The following USH2A variants were observed in gnomAD, a reference collection of about 807,000 sequenced individuals.
The protein encoded by USH2A is usherin.
Under a neutral mutation model 538.9 loss-of-function variants are expected in USH2A, and 443 were observed. The ratio of observed to expected loss-of-function variants is 0.82; its 90% CI spans 0.76 to 0.89. USH2A has a LOEUF of 0.89. Ranked by LOEUF, USH2A falls within the 40% of genes least tolerant of loss-of-function variation. The probability of loss-of-function intolerance (pLI) is 0.00; values close to 1 mark genes in which losing one functional copy is unlikely to be tolerated. For missense variants in USH2A, 6,633 were observed against 6,324.8 expected, an observed-to-expected ratio of 1.05 and a Z score of -1.65; for synonymous variants, 2,413 against 2,273.5, an observed-to-expected ratio of 1.06 and a Z score of -1.75.
At chr1:215,627,497 C>CTTCCTTCT (rs1402225863) in intron 71 of USH2A, among the ~76,000 whole-genome samples, 2 of 140,258 alleles carry the variant, frequency 1.4e-5, no homozygotes, top group Non-Finnish European at 3.1e-5. Context: ...TCCTTCCTTC[C>CTTCCTTCT]TTCCTTCTTT....
intron 30 of USH2A, among the ~76,000 whole-genome samples, chr1:216,067,830 C>G (rs528241731): frequency 1.1e-3 from 163 of 152,006 alleles, no homozygotes; most frequent in African/African-American, 3.7e-3. Flanking sequence ...ATTTGGATGT[C>G]TAGGTGGGAT....
At chr1:215,719,383 A>AAAAAAAAAAAAAAAAAAAAAAAT in intron 61 of USH2A, among the ~76,000 whole-genome samples, 1 of 148,134 alleles carries the variant, frequency 6.8e-6, no homozygotes, top group Non-Finnish European at 1.5e-5. Flanking sequence ...AAAAAAAAAA[A>AAAAAAAAAAAAAAAAAAAAAAAT]GCATGTTCTT....
Position 215,877,863 on chromosome 1 carries a change from C to T in USH2A, c.8576G>A (p.Arg2859His), listed in dbSNP as rs778272177. Residue 2859 changes from arginine (R) to histidine (H), a missense_variant, in exon 43 of 72, where the codon CGT becomes CAT. By Grantham distance (29) the Arg-to-His change is conservative. Coordinates refer to ENST00000307340, the MANE Select transcript of USH2A (RefSeq NM_206933.4). The stretch of plus-strand genomic sequence containing the variant: ...TGATGCAAGTGGCTGCTGGATTTTA[C>T]GTCTCAGAAGCTCATATCTAAAGCA... ...GPNLRYELLR[R>H]KIQQPLASNP... is the part of the protein sequence containing the mutation. 110 of 1,613,492 alleles carry T rather than the reference C, an allele frequency of 6.8e-5. No homozygotes were observed. Among genetic ancestry groups the T allele is most frequent in the Middle Eastern group, 3.3e-4 (2 of 6,084 alleles).
At chr1:215,824,963 A>G (rs1049433560) in intron 47 of USH2A, among the ~76,000 whole-genome samples, 1 of 151,996 alleles carries the variant, frequency 6.6e-6, no homozygotes, top group African/African-American at 2.4e-5. Context: ...GAGTTCTGGG[A>G]TATTGCTGTG....
intron 9 of USH2A, among the ~76,000 whole-genome samples, chr1:216,310,528 C>A (rs2037400411): frequency 6.6e-6 from 1 of 151,946 alleles, no homozygotes; most frequent in South Asian, 2.1e-4. Context: ...ATCTTCATTT[C>A]TTTGTGTTCT....
chr1:216,288,327 T>C (rs764930009), intron 11 of USH2A, among the ~76,000 whole-genome samples: 3 of 152,162 alleles, frequency 2.0e-5, no homozygotes, highest in Non-Finnish European at 4.4e-5. Context: ...CTCTTCAGCT[T>C]TCTAATGAAG....
intron 21 of USH2A, among the ~76,000 whole-genome samples, chr1:216,127,281 G>GA (rs2033274640): frequency 2.0e-5 from 3 of 151,822 alleles, no homozygotes; most frequent in Non-Finnish European, 2.9e-5. Flanking sequence ...TTTCATAAAT[G>GA]TACTCATTGA....
chr1:216,104,281 TG>T (rs1414056491), intron 21 of USH2A, among the ~76,000 whole-genome samples: 1 of 151,880 alleles, frequency 6.6e-6, no homozygotes, highest in Admixed American at 6.6e-5. Context: ...GTGTTCTCAT[TG>T]TTCAATTCCC....
chr1:216,357,302 ATTCCAATCTCTTAGTCAAT>A (rs2038408560), intron 4 of USH2A, among the ~76,000 whole-genome samples: 1 of 152,150 alleles, frequency 6.6e-6, no homozygotes, highest in Non-Finnish European at 1.5e-5. Flanking sequence ...CTCTTCTTCC[ATTCCAATCTCTTAGTCAAT>A]TTCAATACTT....
rs530353376 is a variant in USH2A at position 215,834,235 on chromosome 1, A to G, written c.9371+3756T>C. On this transcript the variant is annotated intron_variant, in intron 47 of 71. Transcript: ENST00000307340. ...AATATATCTTCACACAAAAACCTGT[A>G]TATAGATGTTTTACAGCAACTTTAA... Among the ~76,000 whole-genome samples the G allele has an allele frequency of 7.9e-5, 12 of 152,260 alleles. No individual in the cohort carries two copies. In the East Asian group the frequency reaches 2.1e-3, roughly 27 times the overall value.
At chr1:216,031,212 C>T (rs1669114011) in intron 32 of USH2A, among the ~76,000 whole-genome samples, 1 of 151,830 alleles carries the variant, frequency 6.6e-6, no homozygotes, top group Admixed American at 6.6e-5. Context: ...AGACAAAGAC[C>T]CTAAAGCTTA....
At chr1:216,057,113 A>C (rs1415030868) in intron 30 of USH2A, among the ~76,000 whole-genome samples, 1 of 152,146 alleles carries the variant, frequency 6.6e-6, no homozygotes, top group African/African-American at 2.4e-5. Context: ...GTCAATTCTT[A>C]TTGCATAAAA....
In USH2A at chr1:216,418,554, C is replaced by T; in HGVS notation, c.611G>A (p.Gly204Glu). 2 of 1,613,218 alleles carry T rather than the reference C, an allele frequency of 1.2e-6. No homozygotes were observed. The highest frequency in any genetic ancestry group is 2.2e-5 in the South Asian group (2 of 91,066). ...LQPPIKVMTL[G>E]RILVKKWIHL... is the part of the protein sequence containing the mutation. Reference sequence around the variant, plus strand: ...AATCCATTTCTTCACAAGAATTCTCCCCAGTGTCATTACTTTTATTGGAGG... The same window carrying T: ...AATCCATTTCTTCACAAGAATTCTCTCCAGTGTCATTACTTTTATTGGAGG... The change falls in exon 3 of 72, where the codon GGG becomes GAG. Residue 204 changes from glycine to glutamate, a missense_variant. Gly to Glu is a moderately conservative substitution (Grantham distance 98). Transcript: ENST00000307340.
intron 3 of USH2A, among the ~76,000 whole-genome samples, 193 bp downstream of exon 3, chr1:216,418,321 G>A (rs187426469): frequency 1.3e-5 from 2 of 152,144 alleles, no homozygotes; most frequent in Non-Finnish European, 2.9e-5. Context: ...AATTTTGGGG[G>A]AGGAAATGCT....
chr1:215,663,478 T>C (rs543153114), intron 64 of USH2A, among the ~76,000 whole-genome samples: 3 of 152,354 alleles, frequency 2.0e-5, no homozygotes, highest in African/African-American at 7.2e-5. Flanking sequence ...ACAAGGATTG[T>C]CAATATCTCA....
At position 215,625,500 on chromosome 1, in the gene USH2A, A is replaced by C. The variant is rs1467481868; in HGVS notation, c.*281T>G. ...TCAGTTAACCAGGAGCATCACTGCC[A>C]AACAGAACCAAGTGACAATTACATA... On this transcript the variant is annotated 3_prime_UTR_variant, in exon 72 of 72. Transcript: ENST00000307340. 2 of 458,488 alleles carry C rather than the reference A, an allele frequency of 4.4e-6. No individual in the cohort carries two copies. The highest frequency in any genetic ancestry group is 8.0e-6 in the Non-Finnish European group (2 of 250,280). 28.4% of individuals were successfully genotyped at this position (458,488 alleles called of 1,614,324 possible).
chr1:216,380,201 G>T (rs2102732430), intron 3 of USH2A, among the ~76,000 whole-genome samples: 1 of 152,224 alleles, frequency 6.6e-6, no homozygotes, highest in African/African-American at 2.4e-5. Context: ...CAAGAGGGTA[G>T]ATATTGGGAA....
At chr1:216,003,714 A>G (rs998104399) in intron 32 of USH2A, among the ~76,000 whole-genome samples, 6 of 152,108 alleles carry the variant, frequency 3.9e-5, no homozygotes, top group African/African-American at 1.2e-4. Context: ...CAGTTCATGC[A>G]GGCCTTGTAG....
chr1:215,842,859 T>G (rs771252580), intron 46 of USH2A, among the ~76,000 whole-genome samples: 1 of 151,984 alleles, frequency 6.6e-6, no homozygotes, highest in Non-Finnish European at 1.5e-5. Context: ...TAATAATACA[T>G]GTACAGGTAA....
Sources: gnomAD v4.1 joint callset for allele counts (sites outside exome capture counted in the v4.1 genomes callset) on GRCh38, gnomAD v4.1.1 for gene constraint, MANE v1.5 for transcripts, NCBI Gene and HGNC (gene_info 2026-07-23, HGNC 2026-07-21) for gene names.